AKAP9: variants seen among roughly 807,000 people sequenced by gnomAD.
The protein encoded by AKAP9 is A-kinase anchoring protein 9, also known as A-kinase anchor protein 9.
A neutral mutation model predicts 488.5 loss-of-function variants in AKAP9; 311 were observed. That is an observed-to-expected ratio of 0.64 (90% CI 0.58 to 0.70). AKAP9 has a LOEUF of 0.70. AKAP9 is among the 30% of genes least tolerant of loss of function. AKAP9 has a pLI of 0.00. For synonymous variants in AKAP9, 1,462 were observed against 1,483.5 expected (o/e 0.99, Z 0.33); for missense variants, 4,215 against 4,374.5 (o/e 0.96, Z 1.03).
intron 26 of AKAP9, among the ~76,000 whole-genome samples, chr7:92,068,716 T>G (rs888864143): frequency 6.6e-6 from 1 of 152,120 alleles, no homozygotes; most frequent in Admixed American, 6.5e-5. Flanking sequence ...AGCAGCTTTT[T>G]TTTTCCTTTT....
intron 21 of AKAP9, among the ~76,000 whole-genome samples, chr7:92,051,184 C>T (rs903140706): frequency 6.6e-6 from 1 of 152,190 alleles, no homozygotes; most frequent in African/African-American, 2.4e-5. Context: ...TCTCACCTAC[C>T]TCACCACTAT....
intron 22 of AKAP9, among the ~76,000 whole-genome samples, chr7:92,055,220 A>G (rs1417183305): frequency 3.3e-5 from 5 of 152,074 alleles, no homozygotes; most frequent in African/African-American, 4.8e-5. Context: ...ACATGCTTCT[A>G]TATTTTCTCA....
chr7:91,976,308 A>G lies in AKAP9; in HGVS notation c.306+2340A>G, dbSNP rs531978266. ...GCAATCATGGCTCACTGCAGCCTCA[A>G]CCTCCCAGACTTCAGTGATCCTCCC... On this transcript the variant is annotated intron_variant, in intron 2 of 49. Transcript: ENST00000356239. Among the ~76,000 whole-genome samples, 3 of 152,160 alleles carry G rather than the reference A, an allele frequency of 2.0e-5. No homozygotes were observed. In the East Asian group the frequency reaches 5.8e-4, roughly 29 times the overall value.
intron 8 of AKAP9, among the ~76,000 whole-genome samples, chr7:92,006,165 T>C (rs903170802): frequency 1.3e-5 from 2 of 152,054 alleles, no homozygotes; most frequent in African/African-American, 4.8e-5. Flanking sequence ...TTTTTCTTTT[T>C]TTTTTGAGAC....
At chr7:92,009,478 T>C (rs1584091404) in intron 8 of AKAP9, among the ~76,000 whole-genome samples, 1 of 152,292 alleles carries the variant, frequency 6.6e-6, no homozygotes, top group Middle Eastern at 3.4e-3. Context: ...CATAGAGATT[T>C]TCCCTCTCTC....
chr7:91,955,733 A>G (rs1378469479), intron 1 of AKAP9, among the ~76,000 whole-genome samples: 1 of 152,180 alleles, frequency 6.6e-6, no homozygotes, highest in Non-Finnish European at 1.5e-5. Flanking sequence ...TCCCGGGTTC[A>G]AGTGATTCTC....
At chr7:92,024,426 A>G (rs923204035) in intron 14 of AKAP9, among the ~76,000 whole-genome samples, 39 of 136,542 alleles carry the variant, frequency 2.9e-4, no homozygotes, top group African/African-American at 9.3e-4. Flanking sequence ...ATATATATAT[A>G]TTATGTGTGT....
At chr7:91,955,622 T>C (rs1446813672) in intron 1 of AKAP9, among the ~76,000 whole-genome samples, 2 of 152,224 alleles carry the variant, frequency 1.3e-5, no homozygotes, top group African/African-American at 4.8e-5. Context: ...TTTACGTCAG[T>C]ATCCATTGTG....
intron 44 of AKAP9, 94 bp downstream of exon 44, chr7:92,099,963 C>G (rs1156959996): frequency 3.4e-6 from 4 of 1,184,114 alleles, no homozygotes; most frequent in Non-Finnish European, 5.0e-6. Context: ...TAATGTAAAA[C>G]TATCACACAC....
chr7:92,106,498 A>G (rs1267355256), intron 47 of AKAP9, among the ~76,000 whole-genome samples: 2 of 152,212 alleles, frequency 1.3e-5, no homozygotes, highest in Non-Finnish European at 2.9e-5. Flanking sequence ...CATTTAAGGC[A>G]CGGTTCAAGA....
Position 92,108,348 on chromosome 7 carries a change from C to T in AKAP9, c.11547-146C>T. 3 of 777,580 alleles carry T rather than the reference C, an allele frequency of 3.9e-6. No individual in the cohort carries two copies. The South Asian group carries it at 4.3e-5, about 11-fold the overall frequency. The allele number at this position is 777,580 out of a possible 1,614,324, so 48.2% of individuals were successfully genotyped here. A position where few individuals can be genotyped will look rare whatever the true frequency, so the allele number is the denominator to read the frequency against. On this transcript the variant is annotated intron_variant, in intron 48 of 49. Transcript: ENST00000356239. ...ATTGGAGAGTTGTCTCTTTCTCATCCCAAGCTCCAAAGCTGAAGCTTGGAG... is the reference window on the plus strand; with the variant it reads ...ATTGGAGAGTTGTCTCTTTCTCATCTCAAGCTCCAAAGCTGAAGCTTGGAG...
At chr7:91,996,202 C>A in intron 7 of AKAP9, 1 of 224,612 alleles carries the variant, frequency 4.5e-6, no homozygotes, top group Admixed American at 5.4e-5. Context: ...AAGTTATGTT[C>A]CATAAACTTA....
chr7:92,022,793 TTG>T lies in AKAP9; in HGVS notation c.3953-19_3953-18del. The T allele has an allele frequency of 2.0e-6, 3 of 1,481,002 alleles. No individual in the cohort carries two copies. The highest frequency in any genetic ancestry group is 2.8e-6 in the Non-Finnish European group (3 of 1,066,234). The allele number at this position is 1,481,002 out of a possible 1,614,324, so 91.7% of individuals were successfully genotyped here. ...AAACTTATATTGAAATGTGCATTTT[TTG>T]TCTCTTTATATAACATAGATGTCAA... On this transcript the variant is annotated intron_variant, in intron 13 of 49. Transcript: ENST00000356239.
chr7:91,970,300 A>G (rs1216830345), intron 1 of AKAP9, among the ~76,000 whole-genome samples: 2 of 152,146 alleles, frequency 1.3e-5, no homozygotes, highest in African/African-American at 2.4e-5. Flanking sequence ...TGCTGTAGCT[A>G]TTAATGTTTT....
At chr7:92,087,337 C>G (rs1028707493) in intron 37 of AKAP9, among the ~76,000 whole-genome samples, 2 of 151,892 alleles carry the variant, frequency 1.3e-5, no homozygotes, top group African/African-American at 4.8e-5. Flanking sequence ...ATTGGTTAAG[C>G]AAAATGATAA....
At chr7:92,087,925 G>A (rs1334506051) in intron 37 of AKAP9, among the ~76,000 whole-genome samples, 1 of 151,562 alleles carries the variant, frequency 6.6e-6, no homozygotes, top group East Asian at 1.9e-4. Context: ...ACCATGGAAT[G>A]ACAGCTAGTA....
chr7:92,001,826 C>G lies in AKAP9; in HGVS notation c.1909C>G (p.Leu637Val). 1 of 1,613,352 alleles carries G rather than the reference C, an allele frequency of 6.2e-7. No homozygotes were observed. The highest frequency in any genetic ancestry group is 1.3e-5 in the African/African-American group (1 of 74,992). The part of the protein sequence containing the change: ...TQLLFSHEEE[L>V]SKLKEDLEIE... ...GCTTCTATTTAGTCACGAAGAAGAGCTTTCCAAACTGAAGGAAGATTTAGA... is the reference window on the plus strand; with the variant it reads ...GCTTCTATTTAGTCACGAAGAAGAGGTTTCCAAACTGAAGGAAGATTTAGA... Residue 637 changes from leucine (L) to valine (V), a missense_variant, in exon 8 of 50, where the codon CTT becomes GTT. Leu to Val is a conservative substitution (Grantham distance 32). This residue lies in a region of AKAP9 where 2,361 missense variants were observed against 2,430.0 expected (regional missense o/e 0.97). Transcript: ENST00000356239.
chr7:91,948,959 C>T (rs1791854694), intron 1 of AKAP9, among the ~76,000 whole-genome samples: 1 of 152,048 alleles, frequency 6.6e-6, no homozygotes, highest in Non-Finnish European at 1.5e-5. Flanking sequence ...CCATGTTGGC[C>T]AGGCTGGTCT....
rs755123892 is a variant in AKAP9, at chr7:92,065,425, T to C, written c.6172T>C (p.Leu2058=). ...LMDLRQQNQA[L]EKQLEKMRKF... ...GGATTTAAGACAGCAAAACCAAGCA[T>C]TGGAAAAGCAGTTAGAAAAAATGAG... Residue 2058 remains leucine, a synonymous_variant, in exon 25 of 50, where the codon TTG becomes CTG. Coordinates refer to ENST00000356239, the MANE Select transcript of AKAP9 (RefSeq NM_005751.5). 6 of 1,612,490 alleles carry C rather than the reference T, an allele frequency of 3.7e-6. No individual in the cohort carries two copies. Among genetic ancestry groups the C allele is most frequent in the Admixed American group, 3.3e-5 (2 of 59,876 alleles).
Sources: allele counts gnomAD v4.1 joint callset (sites outside exome capture counted in the v4.1 genomes callset), GRCh38; gene constraint gnomAD v4.1.1; regional missense constraint gnomAD v4.1.1; transcripts MANE v1.5; gene names NCBI Gene and HGNC (gene_info 2026-07-23, HGNC 2026-07-21).